The following ASAP1 variants were observed in gnomAD, a reference collection of about 807,000 sequenced individuals.
The protein encoded by ASAP1 is arf-GAP with SH3 domain, ANK repeat and PH domain-containing protein 1.
A neutral mutation model predicts 145.2 loss-of-function variants in ASAP1; 43 were observed. The observed-to-expected ratio is 0.30, with a 90% CI of 0.23 to 0.38. The LOEUF (loss-of-function observed/expected upper bound fraction) is 0.38, where lower values mean the gene tolerates loss of function less well. ASAP1 is among the 10% of genes least tolerant of loss of function. The pLI is 1.00. For synonymous variants in ASAP1, 546 were observed against 515.5 expected (o/e 1.06, Z -0.80); for missense variants, 1,018 against 1,355.3 (o/e 0.75, Z 3.91).
At chr8:130,441,886 G>A (rs552704626) in intron 1 of ASAP1, among the ~76,000 whole-genome samples, 15 of 152,316 alleles carry the variant, frequency 9.8e-5, no homozygotes, top group African/African-American at 3.6e-4. Context: ...AAACAGGAGG[G>A]CTGAAAATCA....
At chr8:130,278,667 G>A (rs77460659) in intron 3 of ASAP1, among the ~76,000 whole-genome samples, 3,375 of 152,192 alleles carry the variant, frequency 0.022, 51 homozygotes, top group Middle Eastern at 0.054. Flanking sequence ...GACATTGGAC[G>A]AAAAAAACTC....
At chr8:130,138,983 T>C (rs750380868) in intron 13 of ASAP1, among the ~76,000 whole-genome samples, 1 of 152,182 alleles carries the variant, frequency 6.6e-6, no homozygotes, top group African/African-American at 2.4e-5. Flanking sequence ...TGGATGTTGA[T>C]AAAATTGCTG....
chr8:130,395,291 G>A (rs537448212), intron 2 of ASAP1, among the ~76,000 whole-genome samples: 12 of 152,296 alleles, frequency 7.9e-5, no homozygotes, highest in African/African-American at 9.6e-5. Flanking sequence ...ACATACGTTT[G>A]ACACGTCCTC....
chr8:130,325,786 T>C (rs1824287427), intron 3 of ASAP1, among the ~76,000 whole-genome samples: 2 of 152,228 alleles, frequency 1.3e-5, no homozygotes, highest in Admixed American at 6.5e-5. Flanking sequence ...TAAACTGCTG[T>C]TGAGATAGAT....
At chr8:130,134,397 C>G in intron 14 of ASAP1, 53 bp from the exon 15 acceptor site, 1 of 1,190,970 alleles carries the variant, frequency 8.4e-7, no homozygotes, top group South Asian at 1.5e-5. Flanking sequence ...AGGGTACTTT[C>G]AGGTACAACA....
At chr8:130,395,420 C>T (rs1008456345) in intron 2 of ASAP1, among the ~76,000 whole-genome samples, 1 of 152,208 alleles carries the variant, frequency 6.6e-6, no homozygotes, top group African/African-American at 2.4e-5. Context: ...GGGAGAAGGG[C>T]AGTCCCGCAA....
At chr8:130,154,172 C>T (rs566826919) in intron 12 of ASAP1, among the ~76,000 whole-genome samples, 1 of 152,208 alleles carries the variant, frequency 6.6e-6, no homozygotes, top group South Asian at 2.1e-4. Context: ...CATACACCAC[C>T]CCTTTAGGGG....
intron 1 of ASAP1, among the ~76,000 whole-genome samples, chr8:130,417,675 G>A (rs1001776008): frequency 6.6e-6 from 1 of 152,088 alleles, no homozygotes; most frequent in Non-Finnish European, 1.5e-5. Flanking sequence ...GACAAGTCCA[G>A]GAAGGATGGA....
intron 2 of ASAP1, among the ~76,000 whole-genome samples, chr8:130,400,211 C>T (rs933098360): frequency 3.3e-5 from 5 of 152,196 alleles, no homozygotes; most frequent in Non-Finnish European, 5.9e-5. Flanking sequence ...CTTTCCACTA[C>T]GCGGACTTCT....
chr8:130,072,822 T>TGC lies in ASAP1; in HGVS notation c.2701+3525_2701+3526insGC, dbSNP rs1268452732. Among the ~76,000 whole-genome samples, 117 of 26,052 alleles carry TGC rather than the reference T, an allele frequency of 4.5e-3. 1 individual carries two copies. Among genetic ancestry groups the TGC allele is most frequent in the East Asian group, 0.039 (37 of 944 alleles). 17.1% of individuals were successfully genotyped at this position (26,052 alleles called of 152,430 possible). ...GTGTGTGTGTGTGTGTGTGTGTGTGTGTGCGCGCGGGGGGGGGCAGTTTTG... is the reference window on the plus strand; with the variant it reads ...GTGTGTGTGTGTGTGTGTGTGTGTGTGCGTGCGCGCGGGGGGGGGCAGTTTTG... On this transcript the variant is annotated intron_variant, in intron 27 of 29. Transcript: ENST00000518721.
chr8:130,399,434 G>C (rs1042197661), intron 2 of ASAP1, among the ~76,000 whole-genome samples: 1 of 151,936 alleles, frequency 6.6e-6, no homozygotes, highest in African/African-American at 2.4e-5. Flanking sequence ...TTTTGTGCTG[G>C]ACTCTTGACT....
At chr8:130,137,141 G>A in intron 13 of ASAP1, 103 bp from the exon 14 acceptor site, 3 of 907,364 alleles carry the variant, frequency 3.3e-6, no homozygotes, top group Non-Finnish European at 5.5e-6. Flanking sequence ...GGCCTGCTCA[G>A]TGGTACAAAA....
chr8:130,094,149 CT>C (rs1422172221), intron 24 of ASAP1, among the ~76,000 whole-genome samples: 1 of 152,122 alleles, frequency 6.6e-6, no homozygotes, highest in Non-Finnish European at 1.5e-5. Context: ...CTGTATAATG[CT>C]TTGTAGTTTT....
At position 130,287,082 on chromosome 8, in the gene ASAP1, C is replaced by T. The variant is rs182549696; in HGVS notation, c.187-50088G>A. Among the ~76,000 whole-genome samples, 185 of 151,888 alleles carry T rather than the reference C, an allele frequency of 1.2e-3. 2 individuals carry two copies. The highest frequency in any genetic ancestry group is 3.4e-3 in the Middle Eastern group (1 of 294). On this transcript the variant is annotated intron_variant, in intron 3 of 29. Coordinates refer to ENST00000518721, the MANE Select transcript of ASAP1 (RefSeq NM_018482.4). ...AGTTAGAGCATTTTTAGTAATGGGG[C>T]CAGAAGGAACACAGGGAAATTGACT...
chr8:130,439,719 G>C (rs1830429691), intron 1 of ASAP1, among the ~76,000 whole-genome samples: 1 of 152,268 alleles, frequency 6.6e-6, no homozygotes, highest in African/African-American at 2.4e-5. Context: ...TAGCCTGGGA[G>C]AGAGGAAGAG....
In ASAP1 at chr8:130,109,953, T is replaced by C. The variant is rs139728112; in HGVS notation, c.2401+2141A>G. ...TTGTAGGGAGGATTTCTATTTTCAATTATGGGCTTTTTTTGGGGGAAGTGG... is the reference window on the plus strand; with the variant it reads ...TTGTAGGGAGGATTTCTATTTTCAACTATGGGCTTTTTTTGGGGGAAGTGG... On this transcript the variant is annotated intron_variant, in intron 24 of 29. Coordinates refer to ENST00000518721, the MANE Select transcript of ASAP1 (RefSeq NM_018482.4). Among the ~76,000 whole-genome samples the C allele has an allele frequency of 2.8e-3, 434 of 152,282 alleles. 4 individuals are homozygous for C. The highest frequency in any genetic ancestry group is 0.01 in the African/African-American group (418 of 41,554).
chr8:130,371,187 G>A (rs1413111647), intron 2 of ASAP1, among the ~76,000 whole-genome samples: 1 of 152,152 alleles, frequency 6.6e-6, no homozygotes, highest in Non-Finnish European at 1.5e-5. Context: ...AACCCTCACT[G>A]CAACCCTACA....
intron 4 of ASAP1, among the ~76,000 whole-genome samples, chr8:130,227,682 C>T (rs934955800): frequency 6.7e-6 from 1 of 149,980 alleles, no homozygotes; most frequent in Non-Finnish European, 1.5e-5. Flanking sequence ...ATATATAACA[C>T]AGTATATAGT....
chr8:130,179,152 T>C (rs1328419065), intron 9 of ASAP1, 112 bp downstream of exon 9: 2 of 602,500 alleles, frequency 3.3e-6, no homozygotes, highest in Non-Finnish European at 5.7e-6. Context: ...GGTCATTATA[T>C]CACTTTATTT....
Sources: gnomAD v4.1 joint callset for allele counts (sites outside exome capture counted in the v4.1 genomes callset) on GRCh38, gnomAD v4.1.1 for gene constraint, MANE v1.5 for transcripts, NCBI Gene and HGNC (gene_info 2026-07-23, HGNC 2026-07-21) for gene names.